Variants in GRB10 observed in about 807,000 individuals in gnomAD.
The protein encoded by GRB10 is growth factor receptor-bound protein 10.
Under a neutral mutation model 80.9 loss-of-function variants are expected in GRB10, and 20 were observed. The ratio of observed to expected loss-of-function variants is 0.25; its 90% CI spans 0.17 to 0.36. The LOEUF is 0.36. Ranked by LOEUF, GRB10 falls within the 10% of genes least tolerant of loss-of-function variation. The pLI, the probability that GRB10 is intolerant of heterozygous loss-of-function variation, is 1.00. For synonymous variants in GRB10, 291 were observed against 291.5 expected, an observed-to-expected ratio of 1.00 and a Z score of 0.02; for missense variants, 548 against 747.7, an observed-to-expected ratio of 0.73 and a Z score of 3.12.
At chr7:50,653,693 G>C (rs149901411) in intron 7 of GRB10, among the ~76,000 whole-genome samples, 6 of 152,332 alleles carry the variant, frequency 3.9e-5, no homozygotes, top group African/African-American at 1.2e-4. Flanking sequence ...CCGGGCTGGT[G>C]AAACGATGCA....
At chr7:50,757,529 A>C (rs1317476628) in intron 2 of GRB10, among the ~76,000 whole-genome samples, 3 of 152,260 alleles carry the variant, frequency 2.0e-5, no homozygotes, top group Non-Finnish European at 2.9e-5. Context: ...GAGACTGATC[A>C]AAGTTGAACA....
chr7:50,625,980 T>C (rs1369561135), intron 8 of GRB10, among the ~76,000 whole-genome samples: 1 of 152,236 alleles, frequency 6.6e-6, no homozygotes, highest in East Asian at 1.9e-4. Context: ...GTTTCCAATC[T>C]GTGTTATTTT....
intron 7 of GRB10, among the ~76,000 whole-genome samples, chr7:50,653,570 A>G (rs1476882734): frequency 6.6e-6 from 1 of 152,256 alleles, no homozygotes; most frequent in East Asian, 1.9e-4. Flanking sequence ...ACTGCCCTGC[A>G]TGTGTTCCAA....
In GRB10 at chr7:50,782,852, A is replaced by G. The variant is rs1394494053; in HGVS notation, c.-755T>C. 1 of 152,088 alleles carries G rather than the reference A, an allele frequency of 6.6e-6. No individual in the cohort carries two copies. Among genetic ancestry groups the G allele is most frequent in the Non-Finnish European group, 1.5e-5 (1 of 68,010 alleles). 9.4% of individuals were successfully genotyped at this position (152,088 alleles called of 1,614,324 possible). On this transcript the variant is annotated 5_prime_UTR_variant, in exon 1 of 19. Coordinates refer to ENST00000401949, the MANE Select transcript of GRB10 (RefSeq NM_001350814.2). This position sits in a 1 kb window ranked among gnomAD's most constrained non-coding sequence, Gnocchi z 6.6. The stretch of plus-strand genomic sequence containing the variant: ...GGACTGGGCGCTCCTGAGGAGCGGG[A>G]GGACGACGGAGCAGCGCCCGGTCCT...
intron 5 of GRB10, among the ~76,000 whole-genome samples, chr7:50,698,429 G>C (rs1054391964): frequency 2.6e-5 from 4 of 152,120 alleles, no homozygotes; most frequent in African/African-American, 9.7e-5. Flanking sequence ...ATTAATTCTT[G>C]TCATTCAAAC....
intron 5 of GRB10, among the ~76,000 whole-genome samples, chr7:50,681,404 G>A (rs970592257): frequency 3.3e-5 from 5 of 152,204 alleles, no homozygotes; most frequent in Admixed American, 2.0e-4. Flanking sequence ...CCCAACTCGA[G>A]GGGCGATGGT....
At position 50,600,792 on chromosome 7, in the gene GRB10, C is replaced by T. The variant is rs74369589; in HGVS notation, c.1544+3206G>A. Among the ~76,000 whole-genome samples the T allele has an allele frequency of 9.2e-3, 1,397 of 152,294 alleles. 18 individuals carry two copies. The highest frequency in any genetic ancestry group is 0.031 in the African/African-American group (1,307 of 41,552). ...GGGTCAGCCTCCTTCATGAGAGATG[C>T]GGCTGACAGCATGACTCTCAGATGA... On this transcript the variant is annotated intron_variant, in intron 17 of 18. Transcript: ENST00000401949.
chr7:50,759,519 A>G (rs1316427970), intron 2 of GRB10, among the ~76,000 whole-genome samples: 3 of 152,166 alleles, frequency 2.0e-5, no homozygotes, highest in Admixed American at 2.0e-4. Flanking sequence ...CATTCACTTT[A>G]AAACATTTCT....
intron 7 of GRB10, among the ~76,000 whole-genome samples, chr7:50,630,188 G>A (rs1264883154): frequency 6.6e-6 from 1 of 152,304 alleles, no homozygotes; most frequent in Non-Finnish European, 1.5e-5. Context: ...GCAAAACACT[G>A]CTTAATCAAT....
chr7:50,725,255 A>G (rs2068441979), intron 4 of GRB10, among the ~76,000 whole-genome samples: 1 of 152,180 alleles, frequency 6.6e-6, no homozygotes. Flanking sequence ...GAAAGTGTGT[A>G]GCACCTCCCC....
chr7:50,665,430 A>G (rs1199931814), intron 7 of GRB10, among the ~76,000 whole-genome samples: 1 of 152,258 alleles, frequency 6.6e-6, no homozygotes, highest in Non-Finnish European at 1.5e-5. Flanking sequence ...ACTATTTATG[A>G]GCACCCAAAC....
At chr7:50,641,584 A>T (rs1172199503) in intron 7 of GRB10, among the ~76,000 whole-genome samples, 1 of 152,226 alleles carries the variant, frequency 6.6e-6, no homozygotes, top group East Asian at 1.9e-4. Flanking sequence ...GTGTAAGGAC[A>T]ATGACAGCAG....
intron 5 of GRB10, among the ~76,000 whole-genome samples, chr7:50,683,873 C>T (rs111893706): frequency 2.0e-5 from 3 of 152,052 alleles, no homozygotes; most frequent in African/African-American, 4.8e-5. Flanking sequence ...CCAGGTTACC[C>T]TCCAGGTGAT....
intron 3 of GRB10, among the ~76,000 whole-genome samples, chr7:50,747,317 G>GTA (rs1416890763): frequency 6.6e-6 from 1 of 152,204 alleles, no homozygotes; most frequent in African/African-American, 2.4e-5. Context: ...GCGAAGCAGA[G>GTA]CAGGTCCCCA....
intron 2 of GRB10, 114 bp from the exon 3 acceptor site, chr7:50,756,170 A>T (rs2075049319): frequency 2.5e-6 from 1 of 397,518 alleles, no homozygotes; most frequent in Admixed American, 4.4e-5. Flanking sequence ...ATTTTTTTCC[A>T]AGAAGATCAT....
At chr7:50,775,639 T>A (rs930102055) in intron 2 of GRB10, among the ~76,000 whole-genome samples, 4 of 152,234 alleles carry the variant, frequency 2.6e-5, no homozygotes, top group African/African-American at 9.6e-5. Flanking sequence ...ATGGCTCTAT[T>A]AGGCATTATC....
At chr7:50,748,851 G>A (rs1228417594) in intron 3 of GRB10, among the ~76,000 whole-genome samples, 4 of 152,164 alleles carry the variant, frequency 2.6e-5, no homozygotes, top group African/African-American at 9.6e-5. Context: ...TGTGCAAAAT[G>A]TAATTTCTCT....
rs759054310 is a variant in GRB10 at position 50,595,546 on chromosome 7, T to C, written c.1545-16A>G. 7.0e-7 allele frequency: 1 copy of C among 1,428,374 alleles called. No individual in the cohort carries two copies. Among genetic ancestry groups the C allele is most frequent in the Non-Finnish European group, 9.9e-7 (1 of 1,011,418 alleles). 88.5% of individuals were successfully genotyped at this position (1,428,374 alleles called of 1,614,324 possible). On this transcript the variant is annotated splice_polypyrimidine_tract_variant and intron_variant, in intron 17 of 18. Transcript: ENST00000401949. ...GAGAAAAAGCCTGGGGAAGGGAAAA[T>C]AGTTGATTGCTAAAATATTTTAAAA...
At chr7:50,682,294 C>T (rs1046594230) in intron 5 of GRB10, among the ~76,000 whole-genome samples, 1 of 152,212 alleles carries the variant, frequency 6.6e-6, no homozygotes, top group East Asian at 1.9e-4. Flanking sequence ...CAGGTGGCAG[C>T]CTGCCTTGGC....
Sources: gnomAD v4.1 joint callset for allele counts (sites outside exome capture counted in the v4.1 genomes callset) on GRCh38, gnomAD v4.1.1 for gene constraint, Gnocchi (gnomAD v3.1) non-coding constraint, MANE v1.5 for transcripts, NCBI Gene and HGNC (gene_info 2026-07-23, HGNC 2026-07-21) for gene names.